The following PCTP variants were observed in gnomAD, a reference collection of about 807,000 sequenced individuals.
PCTP encodes the protein phosphatidylcholine transfer protein, also known as START domain-containing protein 2.
In PCTP, 27 loss-of-function variants were observed where a neutral mutation model predicts 31.0. That is an observed-to-expected ratio of 0.87 (90% CI 0.64 to 1.20). The LOEUF (loss-of-function observed/expected upper bound fraction) is 1.20. PCTP is among the 50% of genes most tolerant of loss of function. The pLI is 0.00. For missense variants in PCTP, 287 were observed against 268.2 expected, an observed-to-expected ratio of 1.07 and a Z score of -0.49; for synonymous variants, 108 against 101.2, an observed-to-expected ratio of 1.07 and a Z score of -0.40.
chr17:55,784,008 C>T (rs766054731), intron 2 of PCTP, among the ~76,000 whole-genome samples: 26 of 152,130 alleles, frequency 1.7e-4, no homozygotes, highest in Admixed American at 1.2e-3. Flanking sequence ...GCCAGTGACC[C>T]GCTTGAGGAC....
Position 55,776,348 on chromosome 17 carries a change from G to C in PCTP, c.*248G>C. ...TTTCTCGCTCCCCCCATCCTGGGCT[G>C]GGCTGCCTTCTTCTACAGTTCAATA... On this transcript the variant is annotated 3_prime_UTR_variant, in exon 6 of 6. Transcript: ENST00000268896. The C allele has an allele frequency of 1.5e-6, 2 of 1,346,824 alleles. No individual in the cohort carries two copies. The highest frequency in any genetic ancestry group is 3.5e-5 in the Admixed American group (1 of 28,464). The allele number at this position is 1,346,824 out of a possible 1,614,324, so 83.4% of individuals were successfully genotyped here. A position where few individuals can be genotyped will look rare whatever the true frequency, so the allele number is the denominator to read the frequency against.
chr17:55,835,149 G>A (rs1247910469), intron 5 of PCTP, among the ~76,000 whole-genome samples: 1 of 152,040 alleles, frequency 6.6e-6, no homozygotes, highest in Non-Finnish European at 1.5e-5. Context: ...GGCAAGGAGG[G>A]ATCCTCCCTT....
intron 5 of PCTP, 28 bp downstream of exon 5, chr17:55,774,887 GAGGGA>G: frequency 1.8e-6 from 1 of 542,068 alleles, no homozygotes; most frequent in Non-Finnish European, 3.6e-6. Flanking sequence ...GGGGCGGGGG[GAGGGA>G]TGGGGGAGTG....
chr17:55,796,994 C>T (rs1029318268), intron 3 of PCTP, among the ~76,000 whole-genome samples: 8 of 151,942 alleles, frequency 5.3e-5, no homozygotes, highest in South Asian at 4.2e-4. Context: ...GATAATATTA[C>T]TGAAGGAGAA....
chr17:55,806,135 T>TGGATCACTTC (rs1912573875), intron 3 of PCTP, among the ~76,000 whole-genome samples: 1 of 152,102 alleles, frequency 6.6e-6, no homozygotes, highest in African/African-American at 2.4e-5. Flanking sequence ...CAGAGTCCTA[T>TGGATCACTTC]TATTAGAAAA....
intron 5 of PCTP, 75 bp downstream of exon 5, chr17:55,774,934 C>A: frequency 6.9e-7 from 1 of 1,448,482 alleles, no homozygotes; most frequent in Non-Finnish European, 9.6e-7. Context: ...GCCCGCGGGG[C>A]TGTCAGGCTG....
chr17:55,834,779 G>C (rs1200903900), intron 5 of PCTP, among the ~76,000 whole-genome samples: 1 of 152,028 alleles, frequency 6.6e-6, no homozygotes, highest in East Asian at 1.9e-4. Flanking sequence ...AAAGAGGAGG[G>C]GGGCAGAGGG....
intron 3 of PCTP, among the ~76,000 whole-genome samples, chr17:55,821,939 G>T (rs187676375): frequency 2.0e-5 from 3 of 152,308 alleles, no homozygotes; most frequent in African/African-American, 7.2e-5. Context: ...CCCAGGCGCT[G>T]TGGATATGGG....
chr17:55,764,005 C>T (rs1392358122), intron 1 of PCTP, among the ~76,000 whole-genome samples: 1 of 152,118 alleles, frequency 6.6e-6, no homozygotes, highest in African/African-American at 2.4e-5. Context: ...AGGAAGTTGT[C>T]GCAATCGTTC....
intron 4 of PCTP, 45 bp downstream of exon 4, chr17:55,773,940 C>T: frequency 2.0e-6 from 3 of 1,534,092 alleles, no homozygotes; most frequent in Non-Finnish European, 2.6e-6. Flanking sequence ...AGGGGTCCCC[C>T]ACGGGAGGGC....
chr17:55,782,435 C>T (rs575289351), intron 2 of PCTP, among the ~76,000 whole-genome samples: 28 of 152,282 alleles, frequency 1.8e-4, no homozygotes, highest in East Asian at 1.3e-3. Flanking sequence ...TTATTGTGTG[C>T]GAGGCACTAG....
intron 2 of PCTP, 69 bp from the exon 3 acceptor site, chr17:55,771,037 A>C: frequency 8.3e-7 from 1 of 1,207,650 alleles, no homozygotes; most frequent in Non-Finnish European, 1.2e-6. Context: ...TTGGCCTAAG[A>C]GGTCATACCC....
chr17:55,801,676 G>A (rs1204035277), intron 3 of PCTP, among the ~76,000 whole-genome samples: 1 of 152,112 alleles, frequency 6.6e-6, no homozygotes, highest in Non-Finnish European at 1.5e-5. Flanking sequence ...TGAGAACAAA[G>A]ACACAATGTA....
downstream of PCTP, among the ~76,000 whole-genome samples, chr17:55,845,822 G>T (rs1906131012): frequency 6.6e-6 from 1 of 151,400 alleles, no homozygotes; most frequent in African/African-American, 2.4e-5. Flanking sequence ...CCCATCTTTA[G>T]CCACTTTTGG....
At chr17:55,767,847 C>G (rs558955688) in intron 2 of PCTP, among the ~76,000 whole-genome samples, 1 of 146,206 alleles carries the variant, frequency 6.8e-6, no homozygotes, top group African/African-American at 2.5e-5. Context: ...AATCCCAGCA[C>G]GTGGGGAGGC....
At chr17:55,774,213 C>T (rs1911180618) in intron 4 of PCTP, among the ~76,000 whole-genome samples, 2 of 152,142 alleles carry the variant, frequency 1.3e-5, no homozygotes, top group South Asian at 2.1e-4. Flanking sequence ...TGGATACATA[C>T]GCTGGGCCTA....
intron 1 of PCTP, chr17:55,751,605 AT>A: frequency 2.4e-6 from 1 of 414,412 alleles, no homozygotes; most frequent in Non-Finnish European, 4.5e-6. Context: ...TCAGTGGCAT[AT>A]GGGGGCTGGG....
the PCTP span, among the ~76,000 whole-genome samples, chr17:55,848,224 A>G: frequency 6.6e-6 from 1 of 152,192 alleles, no homozygotes; most frequent in Non-Finnish European, 1.5e-5. Flanking sequence ...ATAATGTTTG[A>G]TCAACTATCT....
chr17:55,804,471 C>T (rs1264404186), intron 3 of PCTP, among the ~76,000 whole-genome samples: 1 of 152,102 alleles, frequency 6.6e-6, no homozygotes, highest in African/African-American at 2.4e-5. Flanking sequence ...ATCCAAATGC[C>T]CATAAATGAT....
Sources: allele counts gnomAD v4.1 joint callset (sites outside exome capture counted in the v4.1 genomes callset), GRCh38; gene constraint gnomAD v4.1.1; transcripts MANE v1.5; gene names NCBI Gene and HGNC (gene_info 2026-07-23, HGNC 2026-07-21).